SYT14: variants seen among roughly 807,000 people sequenced by gnomAD.
SYT14 encodes the protein synaptotagmin-14.
A neutral mutation model predicts 74.2 loss-of-function variants in SYT14; 32 were observed. That is an observed-to-expected ratio of 0.43 (90% CI 0.33 to 0.58). SYT14 has a LOEUF of 0.58. Ranked by LOEUF, SYT14 falls within the 20% of genes least tolerant of loss-of-function variation. The pLI, the probability that SYT14 is intolerant of heterozygous loss-of-function variation, is 0.05. For missense variants in SYT14, 791 were observed against 981.8 expected, an observed-to-expected ratio of 0.81 and a Z score of 2.60; for synonymous variants, 298 against 337.7, an observed-to-expected ratio of 0.88 and a Z score of 1.29.
intron 5 of SYT14, among the ~76,000 whole-genome samples, chr1:210,073,454 TAAAA>T (rs907614067): frequency 6.6e-6 from 1 of 151,820 alleles, no homozygotes. Context: ...AATGAAAAAA[TAAAA>T]AAAATCCTCA....
Position 210,059,449 on chromosome 1 carries a change from T to TAGAGAG in SYT14, c.1313-34872_1313-34871insGAGAGA, listed in dbSNP as rs796666013. ...AAGAATATATATATATATATATATA[T>TAGAGAG]ATAGAGAGAGAGAGAGAGAGAGAGA... On this transcript the variant is annotated intron_variant, in intron 5 of 9. Coordinates refer to ENST00000637265, the Ensembl canonical transcript of SYT14. 7.9e-3 allele frequency among the ~76,000 whole-genome samples: 711 copies of TAGAGAG among 89,606 alleles called. 1 individual carries two copies. The highest frequency in any genetic ancestry group is 0.019 in the Middle Eastern group (3 of 162). 58.8% of individuals were successfully genotyped at this position (89,606 alleles called of 152,430 possible). A position where few individuals can be genotyped will look rare whatever the true frequency, so the allele number is the denominator to read the frequency against.
intron 5 of SYT14, among the ~76,000 whole-genome samples, chr1:210,063,018 C>T (rs1360263470): frequency 8.6e-6 from 1 of 115,998 alleles, no homozygotes; most frequent in African/African-American, 3.2e-5. Flanking sequence ...AATATTTTTT[C>T]TAGTTTTTTT....
chr1:210,107,697 CA>C (rs1162640199), intron 7 of SYT14, among the ~76,000 whole-genome samples: 1 of 151,980 alleles, frequency 6.6e-6, no homozygotes, highest in Non-Finnish European at 1.5e-5. Context: ...CATTTTATTT[CA>C]TTTTTTTCTA....
chr1:210,150,800 G>T (rs2083142287), intron 7 of SYT14, among the ~76,000 whole-genome samples: 1 of 152,118 alleles, frequency 6.6e-6, no homozygotes, highest in Admixed American at 6.5e-5. Flanking sequence ...AAAAAATATT[G>T]AACATAAGTA....
At chr1:210,054,244 A>T (rs530495837) in intron 5 of SYT14, among the ~76,000 whole-genome samples, 1 of 152,276 alleles carries the variant, frequency 6.6e-6, no homozygotes, top group South Asian at 2.1e-4. Flanking sequence ...GTAAAAAAAA[A>T]TTGAATCATT....
intron 1 of SYT14, among the ~76,000 whole-genome samples, chr1:209,941,397 C>T (rs1298267385): frequency 6.6e-6 from 1 of 152,174 alleles, no homozygotes; most frequent in African/African-American, 2.4e-5. Flanking sequence ...ACTGTTGGCC[C>T]AGTGATCTGG....
intron 5 of SYT14, among the ~76,000 whole-genome samples, chr1:210,058,156 A>G (rs2081134807): frequency 6.6e-6 from 1 of 152,180 alleles, no homozygotes; most frequent in Non-Finnish European, 1.5e-5. Context: ...CTCTCTATCT[A>G]AAATCTTGAG....
chr1:209,944,268 G>A (rs2078785739), intron 1 of SYT14, among the ~76,000 whole-genome samples: 3 of 152,156 alleles, frequency 2.0e-5, no homozygotes, highest in South Asian at 4.1e-4. Context: ...CATACTTAAG[G>A]TTTTATTGTG....
intron 2 of SYT14, among the ~76,000 whole-genome samples, chr1:209,960,543 G>A (rs2079061011): frequency 6.6e-6 from 1 of 152,104 alleles, no homozygotes; most frequent in Non-Finnish European, 1.5e-5. Context: ...TTGAGAAATA[G>A]TAGCAAAAAA....
chr1:209,939,369 T>C (rs1217913427), intron 1 of SYT14, among the ~76,000 whole-genome samples: 1 of 152,252 alleles, frequency 6.6e-6, no homozygotes, highest in East Asian at 1.9e-4. Flanking sequence ...CCCTTCTAAG[T>C]GATCAATCAC....
intron 2 of SYT14, among the ~76,000 whole-genome samples, chr1:209,986,832 C>T (rs1228255778): frequency 6.6e-6 from 1 of 151,970 alleles, no homozygotes; most frequent in Non-Finnish European, 1.5e-5. Flanking sequence ...CCATATTGGT[C>T]AGGCTGGTCT....
chr1:209,993,279 TGC>T (rs1282470013), intron 2 of SYT14, among the ~76,000 whole-genome samples: 1 of 152,224 alleles, frequency 6.6e-6, no homozygotes, highest in Non-Finnish European at 1.5e-5. Context: ...GCCTGTCGAC[TGC>T]CCCTCCTTGG....
rs2080200646 is a variant in SYT14 at position 210,017,100 on chromosome 1, G to C, written c.1096+1G>C. On this transcript the variant is annotated splice_donor_variant, in intron 4 of 9. Transcript: ENST00000637265. LOFTEE classifies it high-confidence loss of function. ...TATTCTAAGATAATACCAGAAAAAG[G>C]TGAGGTCTCCTAATGTTGGTGTGAG... 1 of 1,230,942 alleles carries C rather than the reference G, an allele frequency of 8.1e-7. No individual in the cohort carries two copies. Among genetic ancestry groups the C allele is most frequent in the African/African-American group, 1.6e-5 (1 of 64,270 alleles). 76.3% of individuals were successfully genotyped at this position (1,230,942 alleles called of 1,614,324 possible).
intron 5 of SYT14, among the ~76,000 whole-genome samples, chr1:210,082,252 A>C (rs138298838): frequency 5.3e-5 from 8 of 152,344 alleles, no homozygotes; most frequent in Middle Eastern, 3.4e-3. Flanking sequence ...TCTAGGTGAC[A>C]TCAGTCTTCC....
chr1:209,991,389 A>G (rs1379975041), intron 2 of SYT14, among the ~76,000 whole-genome samples: 1 of 152,198 alleles, frequency 6.6e-6, no homozygotes, highest in Non-Finnish European at 1.5e-5. Context: ...CATCTGATAA[A>G]GGTCCAATGT....
At chr1:210,034,335 A>G (rs955597695) in intron 5 of SYT14, among the ~76,000 whole-genome samples, 7 of 151,834 alleles carry the variant, frequency 4.6e-5, no homozygotes, top group Admixed American at 6.6e-5. Flanking sequence ...TCTTTTGTGT[A>G]ACTGTTACAC....
exon 10 of SYT14, chr1:210,162,724 A>C (rs1223218645): frequency 2.2e-6 from 1 of 448,706 alleles, no homozygotes; most frequent in Non-Finnish European, 4.4e-6. Flanking sequence ...GGCTGTACTG[A>C]AAGGCCTTAA....
At chr1:209,989,485 C>T (rs1483480710) in intron 2 of SYT14, among the ~76,000 whole-genome samples, 1 of 152,162 alleles carries the variant, frequency 6.6e-6, no homozygotes, top group Non-Finnish European at 1.5e-5. Flanking sequence ...AAGGCATTCT[C>T]TAGCTGTCTG....
chr1:210,021,292 T>C, intron 5 of SYT14, 38 bp downstream of exon 4: 1 of 1,557,856 alleles, frequency 6.4e-7, no homozygotes, highest in East Asian at 2.3e-5. Context: ...CATGACACAC[T>C]ATAGTATTTG....
Sources: gnomAD v4.1 joint callset for allele counts (sites outside exome capture counted in the v4.1 genomes callset) on GRCh38, gnomAD v4.1.1 for gene constraint, MANE v1.5 for transcripts, NCBI Gene and HGNC (gene_info 2026-07-23, HGNC 2026-07-21) for gene names.